EPHB1: variants seen among roughly 807,000 people sequenced by gnomAD.
EPHB1 encodes the protein EPH receptor B1.
Under a neutral mutation model 94.4 loss-of-function variants are expected in EPHB1, and 30 were observed. The observed-to-expected ratio is 0.32, with a 90% CI of 0.24 to 0.43. The LOEUF (loss-of-function observed/expected upper bound fraction) is 0.43, where lower values mean the gene tolerates loss of function less well. Among genes scored for constraint, EPHB1 ranks in the 20% least tolerant of loss-of-function variants. The probability of loss-of-function intolerance (pLI) is 1.00; values close to 1 mark genes in which losing one functional copy is unlikely to be tolerated. For missense variants in EPHB1, 1,055 were observed against 1,308.3 expected (o/e 0.81, Z 2.99); for synonymous variants, 522 against 489.1 (o/e 1.07, Z -0.89).
intron 7 of EPHB1, among the ~76,000 whole-genome samples, chr3:135,162,668 C>T (rs1368499353): frequency 6.6e-6 from 1 of 152,116 alleles, no homozygotes; most frequent in Non-Finnish European, 1.5e-5. Flanking sequence ...CACATGTGAC[C>T]CCCAGTATGT....
At chr3:134,972,218 C>G (rs1933996597) in intron 3 of EPHB1, among the ~76,000 whole-genome samples, 1 of 151,856 alleles carries the variant, frequency 6.6e-6, no homozygotes, top group Non-Finnish European at 1.5e-5. Context: ...CCTTCCTTCC[C>G]CTTCTTTTCC....
At chr3:135,135,664 G>C (rs1055928439) in intron 5 of EPHB1, among the ~76,000 whole-genome samples, 2 of 152,146 alleles carry the variant, frequency 1.3e-5, no homozygotes, top group African/African-American at 4.8e-5. Context: ...TCCTCCCCTG[G>C]CTTCATGGTA....
intron 1 of EPHB1, among the ~76,000 whole-genome samples, chr3:134,839,690 A>G (rs1044453886): frequency 7.9e-5 from 12 of 152,198 alleles, no homozygotes; most frequent in African/African-American, 2.7e-4. Context: ...AGGGTCTGGC[A>G]TAAGACAGGA....
intron 10 of EPHB1, among the ~76,000 whole-genome samples, chr3:135,184,510 T>C (rs553136361): frequency 6.6e-6 from 1 of 152,340 alleles, no homozygotes; most frequent in African/African-American, 2.4e-5. Context: ...AGGGAATGTA[T>C]GTGTTTTGTT....
intron 10 of EPHB1, among the ~76,000 whole-genome samples, chr3:135,185,673 A>G (rs557896582): frequency 1.1e-3 from 171 of 152,338 alleles, no homozygotes; most frequent in African/African-American, 3.9e-3. Flanking sequence ...GAGCTGATCC[A>G]GATCTGGAGA....
At chr3:134,894,941 C>G (rs2038058411) in intron 1 of EPHB1, among the ~76,000 whole-genome samples, 2 of 152,168 alleles carry the variant, frequency 1.3e-5, no homozygotes, top group African/African-American at 2.4e-5. Context: ...ATGCCAGAGC[C>G]TATTCTTTTC....
chr3:135,082,750 TA>T (rs1938207430), intron 3 of EPHB1, among the ~76,000 whole-genome samples: 1 of 152,148 alleles, frequency 6.6e-6, no homozygotes. Context: ...TAGGGAAAAG[TA>T]AAAAAGAGCT....
chr3:135,114,236 A>G, intron 4 of EPHB1, among the ~76,000 whole-genome samples: 1 of 152,186 alleles, frequency 6.6e-6, no homozygotes, highest in East Asian at 1.9e-4. Context: ...CAGTGTTAGT[A>G]TAATTGCTAA....
chr3:134,977,176 A>T (rs752296729), intron 3 of EPHB1, among the ~76,000 whole-genome samples: 8 of 152,116 alleles, frequency 5.3e-5, no homozygotes, highest in Non-Finnish European at 1.2e-4. Flanking sequence ...ACTTGTGCAG[A>T]CTTTCAGCTT....
chr3:135,007,625 C>T (rs1935472221), intron 3 of EPHB1, among the ~76,000 whole-genome samples: 1 of 152,264 alleles, frequency 6.6e-6, no homozygotes, highest in African/African-American at 2.4e-5. Context: ...TATTCACCTG[C>T]ACACCTCCAT....
At chr3:135,050,005 C>T (rs1339707785) in intron 3 of EPHB1, among the ~76,000 whole-genome samples, 1 of 152,182 alleles carries the variant, frequency 6.6e-6, no homozygotes, top group Non-Finnish European at 1.5e-5. Context: ...GTGCCTGCCT[C>T]CTCTTACCTT....
chr3:135,138,466 G>T (rs1439806154), intron 5 of EPHB1, among the ~76,000 whole-genome samples: 1 of 152,094 alleles, frequency 6.6e-6, no homozygotes, highest in Non-Finnish European at 1.5e-5. Context: ...GGAATTTTAT[G>T]ATATTGCAAT....
intron 12 of EPHB1, among the ~76,000 whole-genome samples, chr3:135,229,130 C>T (rs1943470967): frequency 6.6e-6 from 1 of 152,190 alleles, no homozygotes; most frequent in Non-Finnish European, 1.5e-5. Context: ...TTGGCCATCC[C>T]TCACCACCAC....
rs370352746 is a variant in EPHB1, at chr3:135,041,196, A to T, written c.806-65252A>T. ...ACATACTGAGAACTTTCAGCCTGCT[A>T]TTCTATTTTCTCTCTTCTTGTTTTT... On this transcript the variant is annotated intron_variant, in intron 3 of 15. Coordinates refer to ENST00000398015, the MANE Select transcript of EPHB1 (RefSeq NM_004441.5). Among the ~76,000 whole-genome samples the T allele has an allele frequency of 3.3e-5, 5 of 152,148 alleles. No homozygotes were observed. In the East Asian group the frequency reaches 9.6e-4, roughly 29 times the overall value.
chr3:134,863,907 T>G (rs1422164943), intron 1 of EPHB1, among the ~76,000 whole-genome samples: 2 of 152,174 alleles, frequency 1.3e-5, no homozygotes, highest in Non-Finnish European at 2.9e-5. Context: ...GTGGGAAACT[T>G]GGCTACATCC....
chr3:135,234,735 A>G, intron 12 of EPHB1, among the ~76,000 whole-genome samples: 1 of 152,220 alleles, frequency 6.6e-6, no homozygotes, highest in Admixed American at 6.5e-5. Flanking sequence ...GGCAGGAAGG[A>G]GAAGTGCTGA....
chr3:135,086,692 GC>G (rs1445033024), intron 3 of EPHB1, among the ~76,000 whole-genome samples: 1 of 151,960 alleles, frequency 6.6e-6, no homozygotes, highest in Non-Finnish European at 1.5e-5. Flanking sequence ...AGAGGAGACT[GC>G]CTGTTCTCTC....
At position 135,004,037 on chromosome 3, in the gene EPHB1, T is replaced by C. The variant is rs13082853; in HGVS notation, c.805+51985T>C. On this transcript the variant is annotated intron_variant, in intron 3 of 15. Coordinates refer to ENST00000398015, the MANE Select transcript of EPHB1 (RefSeq NM_004441.5). ...TGGTTATTTTGCTTGTTAGTTGATGTAGTTTCTTCCTAGTCTCGATGGTCT... is the reference window on the plus strand; with the variant it reads ...TGGTTATTTTGCTTGTTAGTTGATGCAGTTTCTTCCTAGTCTCGATGGTCT... Among the ~76,000 whole-genome samples the C allele has an allele frequency of 5.1e-4, 76 of 150,392 alleles. 2 individuals carry two copies. Among genetic ancestry groups the C allele is most frequent in the African/African-American group, 1.7e-3 (71 of 40,862 alleles).
intron 3 of EPHB1, among the ~76,000 whole-genome samples, chr3:135,103,661 C>T (rs1487040650): frequency 6.6e-6 from 1 of 152,220 alleles, no homozygotes; most frequent in African/African-American, 2.4e-5. Context: ...TGCCAGTGTT[C>T]ACCAAGCTAG....
Sources: allele counts gnomAD v4.1 joint callset (sites outside exome capture counted in the v4.1 genomes callset), GRCh38; gene constraint gnomAD v4.1.1; transcripts MANE v1.5; gene names NCBI Gene and HGNC (gene_info 2026-07-23, HGNC 2026-07-21).